Variants in MAGI1 observed in about 807,000 individuals in gnomAD.
MAGI1 encodes membrane-associated guanylate kinase, WW and PDZ domain-containing protein 1.
MAGI1 carries 58 observed loss-of-function variants against 139.9 expected under a neutral mutation model. The ratio of observed to expected loss-of-function variants is 0.41; its 90% CI spans 0.34 to 0.52. MAGI1 has a LOEUF of 0.52. MAGI1 is among the 20% of genes least tolerant of loss of function. The pLI is 0.12. For missense variants in MAGI1, 1,874 were observed against 1,901.6 expected, an observed-to-expected ratio of 0.99 and a Z score of 0.27; for synonymous variants, 812 against 737.9, an observed-to-expected ratio of 1.10 and a Z score of -1.63.
At chr3:65,540,814 C>A (rs889957321) in intron 2 of MAGI1, among the ~76,000 whole-genome samples, 3 of 152,120 alleles carry the variant, frequency 2.0e-5, no homozygotes, top group Non-Finnish European at 4.4e-5. Context: ...ATGGTGACTG[C>A]AAATGCAGCC....
chr3:65,380,152 A>G (rs1942926310), intron 16 of MAGI1, among the ~76,000 whole-genome samples: 1 of 152,218 alleles, frequency 6.6e-6, no homozygotes, highest in African/African-American at 2.4e-5. Flanking sequence ...TGATCACAGA[A>G]CTGGATACAC....
Position 65,363,480 on chromosome 3 carries a change from C to G in MAGI1, c.3480G>C (p.Arg1160Ser). Residue 1160 changes from arginine to serine, a missense_variant, in exon 21 of 23, where the codon AGG becomes AGC. Physicochemically the swap from Arg to Ser is moderately radical, Grantham distance 110. Transcript: ENST00000402939. ...LRLAEDGPAE[R>S]CGKMRIGDEI... Reference sequence around the variant, plus strand: ...CTCCACTTACCCTCATCTTTCCACACCTCTCCGCAGGACCGTCCTCTGCTA... The same window carrying G: ...CTCCACTTACCCTCATCTTTCCACAGCTCTCCGCAGGACCGTCCTCTGCTA... 6.2e-7 allele frequency: 1 copy of G among 1,612,372 alleles called. No individual in the cohort carries two copies. Among genetic ancestry groups the G allele is most frequent in the Non-Finnish European group, 8.5e-7 (1 of 1,179,196 alleles).
intron 2 of MAGI1, among the ~76,000 whole-genome samples, chr3:65,586,388 C>A (rs976549664): frequency 3.9e-5 from 6 of 151,982 alleles, no homozygotes; most frequent in African/African-American, 1.5e-4. Context: ...GGATTGACTA[C>A]AAATGGTCAG....
intron 2 of MAGI1, among the ~76,000 whole-genome samples, chr3:65,597,155 G>GA (rs2082248393): frequency 6.6e-6 from 1 of 151,878 alleles, no homozygotes. Context: ...AATATGCACG[G>GA]GGACGTACTG....
chr3:66,023,501 A>G (rs1231842926), intron 1 of MAGI1, among the ~76,000 whole-genome samples: 1 of 152,214 alleles, frequency 6.6e-6, no homozygotes, highest in African/African-American at 2.4e-5. Context: ...TCCATTATGC[A>G]GGCAGGAAAG....
chr3:65,493,540 C>A lies in MAGI1; in HGVS notation c.522G>T (p.Gly174=). 1.2e-6 allele frequency: 2 copies of A among 1,614,136 alleles called. No individual in the cohort carries two copies. Among genetic ancestry groups the A allele is most frequent in the East Asian group, 2.2e-5 (1 of 44,866 alleles). ...CATAGGTGCCGACTTCCAGAAGAGT[C>A]CCACTCTGCTCGAGGTCCAAGAACT... ...VKEFLDLEQS[G]TLLEVGTYEG... is the part of the protein sequence containing the mutation. The change falls in exon 3 of 23, where the codon GGG becomes GGT. Residue 174 remains glycine (G), a synonymous_variant. Coordinates refer to ENST00000402939, the MANE Select transcript of MAGI1 (RefSeq NM_001033057.2).
At chr3:65,407,965 C>T (rs577411481) in intron 12 of MAGI1, among the ~76,000 whole-genome samples, 1 of 152,120 alleles carries the variant, frequency 6.6e-6, no homozygotes, top group Non-Finnish European at 1.5e-5. Flanking sequence ...AGTGTTTATG[C>T]TCCTAAATTA....
intron 1 of MAGI1, among the ~76,000 whole-genome samples, chr3:65,651,061 C>T (rs939808132): frequency 6.6e-6 from 1 of 152,168 alleles, no homozygotes; most frequent in Non-Finnish European, 1.5e-5. Context: ...CCAACCCCAC[C>T]TAGTCCTCAT....
intron 2 of MAGI1, among the ~76,000 whole-genome samples, chr3:65,611,438 T>C (rs945767558): frequency 2.1e-5 from 3 of 144,828 alleles, no homozygotes; most frequent in Admixed American, 7.0e-5. Flanking sequence ...GTATATACAG[T>C]ATATATAGTA....
At chr3:65,750,826 A>G (rs563718621) in intron 1 of MAGI1, among the ~76,000 whole-genome samples, 1 of 152,358 alleles carries the variant, frequency 6.6e-6, no homozygotes, top group South Asian at 2.1e-4. Flanking sequence ...GCTCTTACAT[A>G]TTAACTCTTC....
chr3:65,894,516 T>C (rs2060892029), intron 1 of MAGI1, among the ~76,000 whole-genome samples: 1 of 152,228 alleles, frequency 6.6e-6, no homozygotes, highest in African/African-American at 2.4e-5. Flanking sequence ...CAAATGGAAA[T>C]CCTAATCTAA....
intron 1 of MAGI1, among the ~76,000 whole-genome samples, chr3:65,994,899 G>T (rs1388727794): frequency 6.6e-6 from 1 of 152,150 alleles, no homozygotes; most frequent in Non-Finnish European, 1.5e-5. Context: ...TTCAATCACT[G>T]GCTCCATTCC....
At chr3:65,509,561 C>A (rs965728111) in intron 2 of MAGI1, among the ~76,000 whole-genome samples, 1 of 152,182 alleles carries the variant, frequency 6.6e-6, no homozygotes, top group African/African-American at 2.4e-5. Flanking sequence ...CCTGGAAAAT[C>A]GGGTCACTCC....
chr3:65,986,156 C>T (rs1210595453), intron 1 of MAGI1, among the ~76,000 whole-genome samples: 1 of 152,126 alleles, frequency 6.6e-6, no homozygotes, highest in Non-Finnish European at 1.5e-5. Context: ...TAAACACAGG[C>T]ATGTTTGCAA....
intron 12 of MAGI1, among the ~76,000 whole-genome samples, chr3:65,418,763 C>T (rs1946417588): frequency 6.6e-6 from 1 of 152,206 alleles, no homozygotes; most frequent in Non-Finnish European, 1.5e-5. Flanking sequence ...CACAGCAGAT[C>T]TTCTCGAACA....
chr3:65,361,392 A>C, intron 21 of MAGI1, 55 bp from the exon 22 acceptor site: 1 of 1,586,292 alleles, frequency 6.3e-7, no homozygotes, highest in East Asian at 2.2e-5. Context: ...CGGATTCACC[A>C]AATGTTTATT....
intron 1 of MAGI1, among the ~76,000 whole-genome samples, chr3:65,748,826 C>A (rs1430391466): frequency 2.0e-5 from 3 of 152,028 alleles, no homozygotes; most frequent in Non-Finnish European, 4.4e-5. Context: ...GATGTTTGGC[C>A]AGGTTAGTAA....
intron 1 of MAGI1, among the ~76,000 whole-genome samples, chr3:65,883,134 G>A (rs1016972437): frequency 1.3e-5 from 2 of 151,942 alleles, no homozygotes; most frequent in African/African-American, 2.4e-5. Context: ...GTAGTAAAAC[G>A]TCACAGGTCT....
At chr3:65,921,449 C>T (rs1297107793) in intron 1 of MAGI1, among the ~76,000 whole-genome samples, 4 of 151,868 alleles carry the variant, frequency 2.6e-5, no homozygotes, top group Admixed American at 2.6e-4. Context: ...GCTGGGACTA[C>T]AGATATGCGC....
Sources: gnomAD v4.1 joint callset for allele counts (sites outside exome capture counted in the v4.1 genomes callset) on GRCh38, gnomAD v4.1.1 for gene constraint, MANE v1.5 for transcripts, NCBI Gene and HGNC (gene_info 2026-07-23, HGNC 2026-07-21) for gene names.